CHSY3: variants seen among roughly 807,000 people sequenced by gnomAD.
CHSY3 encodes N-acetylgalactosaminyl-proteoglycan 3-beta-glucuronosyltransferase 3.
In CHSY3, 35 loss-of-function variants were observed where a neutral mutation model predicts 67.2. That is an observed-to-expected ratio of 0.52 (90% CI 0.40 to 0.69). CHSY3 has a LOEUF of 0.69. Among genes scored for constraint, CHSY3 ranks in the 30% least tolerant of loss-of-function variants. CHSY3 has a pLI of 0.00. For synonymous variants in CHSY3, 474 were observed against 434.7 expected (o/e 1.09, Z -1.12); for missense variants, 1,069 against 1,138.5 (o/e 0.94, Z 0.88).
intron 2 of CHSY3, among the ~76,000 whole-genome samples, chr5:130,021,116 T>G (rs1252240682): frequency 6.6e-6 from 1 of 152,196 alleles, no homozygotes; most frequent in Non-Finnish European, 1.5e-5. Flanking sequence ...TTATGTAGCA[T>G]CTTCTCTCAT....
rs1237051614 is a variant in CHSY3, at chr5:130,185,505, G to A, written c.2363G>A (p.Ser788Asn). Residue 788 changes from serine (S) to asparagine (N), a missense_variant, in exon 3 of 3, where the codon AGT becomes AAT. Physicochemically the swap from Ser to Asn is conservative, Grantham distance 46. Transcript: ENST00000305031. ...TATGGCATCACCTGTATTTACAAAA[G>A]TGATCTTCTAGGTGCAGGTGGATTT... is the stretch of plus-strand genomic sequence containing the variant. ...YGYGITCIYK[S>N]DLLGAGGFDT... The A allele has an allele frequency of 1.2e-6, 2 of 1,614,040 alleles. No individual in the cohort carries two copies. Among genetic ancestry groups the A allele is most frequent in the Non-Finnish European group, 1.7e-6 (2 of 1,180,014 alleles).
chr5:129,954,394 A>C (rs985788595), intron 2 of CHSY3, among the ~76,000 whole-genome samples: 1 of 150,842 alleles, frequency 6.6e-6, no homozygotes, highest in Non-Finnish European at 1.5e-5. Context: ...CTTATAGTAT[A>C]GTTTGAAGTC....
intron 2 of CHSY3, among the ~76,000 whole-genome samples, chr5:130,057,505 G>T (rs1236675632): frequency 6.6e-6 from 1 of 152,064 alleles, no homozygotes. Context: ...GCTTTTAGAA[G>T]GAAAATCTTA....
chr5:129,970,368 A>G (rs766261195), intron 2 of CHSY3, among the ~76,000 whole-genome samples: 2 of 151,188 alleles, frequency 1.3e-5, no homozygotes, highest in Admixed American at 1.3e-4. Flanking sequence ...GGATGGATGC[A>G]TGGGTAAATG....
chr5:129,933,530 T>C (rs558194544), intron 2 of CHSY3, among the ~76,000 whole-genome samples: 2 of 152,322 alleles, frequency 1.3e-5, no homozygotes, highest in East Asian at 1.9e-4. Flanking sequence ...AAGTGTTTAC[T>C]TGATGTATTT....
intron 2 of CHSY3, among the ~76,000 whole-genome samples, chr5:129,942,126 G>T (rs559824498): frequency 6.6e-6 from 1 of 152,132 alleles, no homozygotes; most frequent in Non-Finnish European, 1.5e-5. Context: ...CAATCAGAAA[G>T]GTGGGGAAAG....
intron 2 of CHSY3, among the ~76,000 whole-genome samples, chr5:129,959,071 GCT>G (rs949160721): frequency 5.2e-4 from 79 of 152,008 alleles, no homozygotes; most frequent in African/African-American, 1.6e-3. Context: ...AAGTGAATAT[GCT>G]CTCTTTAGTG....
At chr5:129,906,002 T>G (rs751923802) in intron 1 of CHSY3, 8 of 259,184 alleles carry the variant, frequency 3.1e-5, no homozygotes, top group Non-Finnish European at 5.1e-5. Context: ...CTGATGGTAG[T>G]TTCCCCAATC....
chr5:129,964,618 C>T (rs1762422585), intron 2 of CHSY3, among the ~76,000 whole-genome samples: 2 of 151,760 alleles, frequency 1.3e-5, no homozygotes. Flanking sequence ...TTAACAGCCA[C>T]TCTTTAACAG....
At chr5:129,963,910 C>G (rs79533054) in intron 2 of CHSY3, among the ~76,000 whole-genome samples, 130 of 151,740 alleles carry the variant, frequency 8.6e-4, no homozygotes, top group African/African-American at 3.0e-3. Flanking sequence ...GTACATGTAT[C>G]TATATGTATG....
At chr5:130,133,816 T>C (rs1580767911) in intron 2 of CHSY3, among the ~76,000 whole-genome samples, 1 of 135,908 alleles carries the variant, frequency 7.4e-6, no homozygotes, top group Non-Finnish European at 1.6e-5. Context: ...AAAAAGGCTG[T>C]CAACCTAAGA....
chr5:129,921,625 A>G (rs532631621), intron 2 of CHSY3, among the ~76,000 whole-genome samples: 107 of 152,236 alleles, frequency 7.0e-4, no homozygotes, highest in Non-Finnish European at 1.5e-3. Context: ...TGCTTATTAC[A>G]TTAGCATAAC....
chr5:130,009,671 A>G (rs1447743146), intron 2 of CHSY3, among the ~76,000 whole-genome samples: 1 of 152,140 alleles, frequency 6.6e-6, no homozygotes, highest in Non-Finnish European at 1.5e-5. Context: ...TGGGCTGAAC[A>G]CCCCATTTAA....
chr5:130,175,457 A>G (rs1044432862), intron 2 of CHSY3, among the ~76,000 whole-genome samples: 1 of 152,186 alleles, frequency 6.6e-6, no homozygotes, highest in Non-Finnish European at 1.5e-5. Flanking sequence ...ATTCAATGCT[A>G]TCCCCATCAA....
At chr5:130,145,695 A>G (rs1769052242) in intron 2 of CHSY3, among the ~76,000 whole-genome samples, 1 of 152,198 alleles carries the variant, frequency 6.6e-6, no homozygotes, top group African/African-American at 2.4e-5. Flanking sequence ...TTTGCAAACT[A>G]TACATCTGAC....
intron 2 of CHSY3, among the ~76,000 whole-genome samples, chr5:130,087,438 C>A (rs1191904639): frequency 6.6e-6 from 1 of 152,060 alleles, no homozygotes; most frequent in Non-Finnish European, 1.5e-5. Context: ...TCCCTGTTTG[C>A]AGATGACATG....
chr5:130,185,056 G>A lies in CHSY3; in HGVS notation c.1914G>A (p.Met638Ile), dbSNP rs1770373980. 1.9e-6 allele frequency: 3 copies of A among 1,602,406 alleles called. No homozygotes were observed. Among genetic ancestry groups the A allele is most frequent in the Admixed American group, 1.7e-5 (1 of 59,970 alleles). ...GGTATGACATTTTCTTGAGATTCAT[G>A]GAGAACTTTGAAAACATGTGTCTTA... ...IGRYDIFLRF[M>I]ENFENMCLIP... The change falls in exon 3 of 3, where the codon ATG becomes ATA. Residue 638 changes from methionine to isoleucine, a missense_variant. Coordinates refer to ENST00000305031, the MANE Select transcript of CHSY3 (RefSeq NM_175856.5).
chr5:130,174,189 AG>A (rs1769976196), intron 2 of CHSY3, among the ~76,000 whole-genome samples: 1 of 152,034 alleles, frequency 6.6e-6, no homozygotes. Context: ...TAATTTGCAG[AG>A]TCTTCACTTC....
intron 2 of CHSY3, among the ~76,000 whole-genome samples, chr5:130,122,766 G>A (rs189107431): frequency 1.3e-5 from 2 of 152,314 alleles, no homozygotes; most frequent in Non-Finnish European, 1.5e-5. Flanking sequence ...TCGTCAGCCA[G>A]GAATAAGCTT....
Sources: allele counts gnomAD v4.1 joint callset (sites outside exome capture counted in the v4.1 genomes callset), GRCh38; gene constraint gnomAD v4.1.1; transcripts MANE v1.5; gene names NCBI Gene and HGNC (gene_info 2026-07-23, HGNC 2026-07-21).